The following NOTCH2 variants were observed in gnomAD, a reference collection of about 807,000 sequenced individuals.
NOTCH2 encodes neurogenic locus notch homolog protein 2.
Under a neutral mutation model 235.8 loss-of-function variants are expected in NOTCH2, and 29 were observed. The ratio of observed to expected loss-of-function variants is 0.12; its 90% confidence interval spans 0.09 to 0.17. NOTCH2 has a LOEUF of 0.17. NOTCH2 is among the 10% of genes least tolerant of loss of function. The pLI, the probability that NOTCH2 is intolerant of heterozygous loss-of-function variation, is 1.00. For synonymous variants in NOTCH2, 1,086 were observed against 1,141.5 expected (o/e 0.95, Z 0.98); for missense variants, 2,285 against 3,150.2 (o/e 0.73, Z 6.57).
rs375049462 is a variant in NOTCH2 at position 119,915,385 on chromosome 1, C to T, written c.7337G>A (p.Gly2446Glu). The stretch of plus-strand genomic sequence containing the variant: ...TCCCCGCTGACCTCCTCCAGCACCC[C>T]CAGGGGTAGGGCTGGTGGTCACATC... ...WSDVTTSPTP[G>E]GAGGGQRGPG... Residue 2446 changes from glycine (G) to glutamate (E), a missense_variant, in exon 34 of 34, where the codon GGG becomes GAG. Physicochemically the swap from Gly to Glu is moderately conservative, Grantham distance 98 (BLOSUM62 -2). Coordinates refer to ENST00000256646, the MANE Select transcript of NOTCH2 (RefSeq NM_024408.4). 2 of 1,614,178 alleles carry T rather than the reference C, an allele frequency of 1.2e-6. No individual in the cohort carries two copies. Among genetic ancestry groups the T allele is most frequent in the South Asian group, 2.2e-5 (2 of 91,076 alleles).
intron 14 of NOTCH2, among the ~76,000 whole-genome samples, chr1:119,951,422 G>A (rs1435664133): frequency 2.0e-5 from 3 of 152,184 alleles, no homozygotes; most frequent in African/African-American, 7.2e-5. Context: ...AAAATGCTGG[G>A]ATTACAGGTG....
chr1:119,984,368 G>C (rs1651932491), intron 5 of NOTCH2, among the ~76,000 whole-genome samples: 1 of 152,048 alleles, frequency 6.6e-6, no homozygotes. Context: ...ACGGGTCTTG[G>C]GCAAATTATT....
chr1:119,986,456 G>A (rs1652021630), intron 5 of NOTCH2, among the ~76,000 whole-genome samples: 1 of 152,164 alleles, frequency 6.6e-6, no homozygotes, highest in South Asian at 2.1e-4. Flanking sequence ...AATGTAGGAT[G>A]CGTATCATAA....
intron 5 of NOTCH2, among the ~76,000 whole-genome samples, chr1:119,981,643 C>T (rs1276654762): frequency 8.5e-5 from 13 of 152,104 alleles, no homozygotes; most frequent in Non-Finnish European, 7.4e-5. Context: ...ACTATCCACT[C>T]GTCCTTGTTT....
chr1:120,023,394 G>A (rs1276223111), intron 2 of NOTCH2, among the ~76,000 whole-genome samples: 6 of 149,954 alleles, frequency 4.0e-5, no homozygotes, highest in East Asian at 2.0e-4. Flanking sequence ...CCAAGAAAGC[G>A]CCACTGCACT....
chr1:120,038,911 C>T (rs1483567704), intron 1 of NOTCH2, among the ~76,000 whole-genome samples: 2 of 151,896 alleles, frequency 1.3e-5, no homozygotes, highest in Non-Finnish European at 2.9e-5. Context: ...AAATCTTAAG[C>T]CATGTGTATT....
At chr1:119,974,605 C>G (rs587729049) in intron 5 of NOTCH2, among the ~76,000 whole-genome samples, 5 of 152,322 alleles carry the variant, frequency 3.3e-5, no homozygotes, top group African/African-American at 7.2e-5. Context: ...ACAGTTTATA[C>G]TAACCACAAT....
At chr1:119,969,960 C>T (rs369385452) in intron 5 of NOTCH2, among the ~76,000 whole-genome samples, 10 of 152,158 alleles carry the variant, frequency 6.6e-5, no homozygotes, top group Non-Finnish European at 1.3e-4. Context: ...TAGTTACTAC[C>T]GTTAGAAACT....
In NOTCH2 at chr1:120,069,364, G is replaced by T; in HGVS notation, c.43C>A (p.Leu15Ile). The T allele has an allele frequency of 1.9e-6, 3 of 1,570,836 alleles. No individual in the cohort carries two copies. Among genetic ancestry groups the T allele is most frequent in the Non-Finnish European group, 2.6e-6 (3 of 1,166,924 alleles). The part of the protein sequence containing the change: ...RPALLWALLA[L>I]WLCCAAPAHA... ...GCGGGGGCCGCGCAGCACAGCCAGAGCGCCAGCAGCGCCCACAGCAGAGCG... is the reference window on the plus strand; with the variant it reads ...GCGGGGGCCGCGCAGCACAGCCAGATCGCCAGCAGCGCCCACAGCAGAGCG... Residue 15 changes from leucine (L) to isoleucine (I), a missense_variant, in exon 1 of 34, where the codon CTC becomes ATC. By Grantham distance (5) the Leu-to-Ile change is conservative. Transcript: ENST00000256646.
At chr1:119,963,180 T>TAGGAAGGA (rs71074447) in intron 11 of NOTCH2, among the ~76,000 whole-genome samples, 4,442 of 144,774 alleles carry the variant, frequency 0.031, 103 homozygotes, top group East Asian at 0.07. Context: ...GGAAGGTAGG[T>TAGGAAGGA]AGGAAGGAAG....
intron 5 of NOTCH2, among the ~76,000 whole-genome samples, chr1:119,977,038 G>A (rs1282874277): frequency 6.6e-6 from 1 of 152,056 alleles, no homozygotes; most frequent in Non-Finnish European, 1.5e-5. Flanking sequence ...GAATTATATT[G>A]TCTATGCCTG....
chr1:119,970,078 G>A (rs1267285291), intron 5 of NOTCH2, among the ~76,000 whole-genome samples: 6 of 152,084 alleles, frequency 3.9e-5, no homozygotes, highest in African/African-American at 1.2e-4. Context: ...GAAGAGCAAG[G>A]AGAGAAGAGT....
intron 2 of NOTCH2, among the ~76,000 whole-genome samples, chr1:120,024,852 T>C (rs1223524997): frequency 6.6e-6 from 1 of 151,382 alleles, no homozygotes; most frequent in African/African-American, 2.4e-5. Flanking sequence ...TCATTAAAAA[T>C]AATTGCAGAG....
intron 22 of NOTCH2, among the ~76,000 whole-genome samples, chr1:119,931,297 A>T (rs1403827328): frequency 6.6e-6 from 1 of 152,158 alleles, no homozygotes; most frequent in Non-Finnish European, 1.5e-5. Flanking sequence ...GTTACACCTA[A>T]ATGAAGACAA....
chr1:120,034,288 T>C (rs1654220565), intron 1 of NOTCH2, among the ~76,000 whole-genome samples: 1 of 148,136 alleles, frequency 6.8e-6, no homozygotes, highest in Non-Finnish European at 1.5e-5. Context: ...TAAATCTTAT[T>C]TACTGTGTGT....
chr1:120,027,545 G>T (rs1216079194), intron 2 of NOTCH2, among the ~76,000 whole-genome samples: 1 of 150,580 alleles, frequency 6.6e-6, no homozygotes, highest in Non-Finnish European at 1.5e-5. Flanking sequence ...TGCCATGGTG[G>T]TTTGCTGCAC....
intron 12 of NOTCH2, among the ~76,000 whole-genome samples, chr1:119,959,033 A>T (rs1259875628): frequency 6.6e-6 from 1 of 152,164 alleles, no homozygotes; most frequent in Non-Finnish European, 1.5e-5. Context: ...CAGTATTTTC[A>T]TAAGATTTTA....
At chr1:120,018,521 CTG>C (rs1419241446) in intron 2 of NOTCH2, among the ~76,000 whole-genome samples, 1 of 42,086 alleles carries the variant, frequency 2.4e-5, no homozygotes, top group East Asian at 8.7e-4. Flanking sequence ...AAGAACTGTA[CTG>C]TGTCTCTTTT....
In NOTCH2 at chr1:119,928,979, T is replaced by C. The variant is rs1649564373; in HGVS notation, c.3889A>G (p.Thr1297Ala). 3 of 1,613,840 alleles carry C rather than the reference T, an allele frequency of 1.9e-6. No individual in the cohort carries two copies. The highest frequency in any genetic ancestry group is 2.5e-6 in the Non-Finnish European group (3 of 1,179,768). The change falls in exon 23 of 34, where the codon ACT becomes GCT. Residue 1297 changes from threonine (T) to alanine (A), a missense_variant. Transcript: ENST00000256646. ...AGGAGGCTAGAGAGCTTCTCACCAG[T>C]AAAGGCACTACGGCAAACACACAGG... ...DYLCVCRSAF[T>A]GRHCETFVDV...
Sources: gnomAD v4.1 joint callset for allele counts (sites outside exome capture counted in the v4.1 genomes callset) on GRCh38, gnomAD v4.1.1 for gene constraint, MANE v1.5 for transcripts, NCBI Gene and HGNC (gene_info 2026-07-23, HGNC 2026-07-21) for gene names.